The following PAK3 variants were observed in gnomAD, a reference collection of about 807,000 sequenced individuals.
PAK3 encodes the protein p21 (RAC1) activated kinase 3, also known as serine/threonine-protein kinase PAK 3.
In PAK3, 4 loss-of-function variants were observed where a neutral mutation model predicts 41.0. That is an observed-to-expected ratio of 0.10 (90% confidence interval 0.05 to 0.22). The LOEUF (loss-of-function observed/expected upper bound fraction) is 0.22, where lower values mean the gene tolerates loss of function less well. Ranked by LOEUF, PAK3 falls within the 10% of genes least tolerant of loss-of-function variation. The pLI is 1.00. For missense variants in PAK3, 205 were observed against 409.9 expected, an observed-to-expected ratio of 0.50 and a Z score of 4.32; for synonymous variants, 146 against 139.6, an observed-to-expected ratio of 1.05 and a Z score of -0.32.
chrX:111,184,426 G>A (rs1236736025), intron 11 of PAK3, among the ~76,000 whole-genome samples: 1 of 108,114 alleles, frequency 9.2e-6, no homozygotes, highest in Non-Finnish European at 1.9e-5. Flanking sequence ...TATACTTTAA[G>A]TTCTGGGATA....
intron 16 of PAK3, among the ~76,000 whole-genome samples, chrX:111,209,768 C>T (rs779138719): frequency 1.8e-5 from 2 of 112,388 alleles, no homozygotes; most frequent in East Asian, 5.6e-4. Context: ...ACTGAAGTCA[C>T]AAACTAAAGC....
chrX:111,057,900 C>A (rs1412494465), intron 1 of PAK3, among the ~76,000 whole-genome samples: 1 of 112,095 alleles, frequency 8.9e-6, no homozygotes, highest in Non-Finnish European at 1.9e-5. Flanking sequence ...TTTGCCTATT[C>A]TGGACAATTC....
intron 1 of PAK3, among the ~76,000 whole-genome samples, chrX:111,024,192 T>C (rs1202507277): frequency 8.9e-6 from 1 of 111,946 alleles, no homozygotes; most frequent in Admixed American, 9.5e-5. Context: ...TTGTCAAAGA[T>C]CAGATGGTTG....
intron 11 of PAK3, among the ~76,000 whole-genome samples, chrX:111,182,362 C>T (rs1000191657): frequency 2.7e-5 from 3 of 110,023 alleles, no homozygotes; most frequent in East Asian, 2.9e-4. Context: ...ATTAGATGAC[C>T]GTGAATACTC....
At chrX:111,132,766 A>G (rs1255131137) in intron 5 of PAK3, among the ~76,000 whole-genome samples, 1 of 111,322 alleles carries the variant, frequency 9.0e-6, no homozygotes, top group Non-Finnish European at 1.9e-5. Context: ...CTTATATACC[A>G]CTCAGAAAAG....
intron 1 of PAK3, among the ~76,000 whole-genome samples, chrX:110,981,191 A>C (rs749121423): frequency 1.8e-5 from 2 of 111,890 alleles, no homozygotes; most frequent in South Asian, 3.8e-4. Context: ...ACCAGAGGCC[A>C]GTATATTCTT....
At chrX:110,984,221 T>C (rs1307904327) in intron 1 of PAK3, among the ~76,000 whole-genome samples, 1 of 112,048 alleles carries the variant, frequency 8.9e-6, no homozygotes, top group Non-Finnish European at 1.9e-5. Context: ...GTGCAGACAT[T>C]CTGGGCTTCT....
upstream of PAK3, among the ~76,000 whole-genome samples, chrX:111,092,202 T>C (rs1472015835): frequency 8.9e-6 from 1 of 111,899 alleles, no homozygotes; most frequent in African/African-American, 3.3e-5. Flanking sequence ...TAAGACTGTA[T>C]TTCCTATTTC....
chrX:111,121,180 A>T (rs757111869), intron 4 of PAK3, among the ~76,000 whole-genome samples: 90 of 112,330 alleles, frequency 8.0e-4, no homozygotes, highest in African/African-American at 2.5e-3. Context: ...AGGAAAATGT[A>T]AGGTTTATGA....
At chrX:111,126,648 C>T (rs1270690521) in intron 5 of PAK3, among the ~76,000 whole-genome samples, 2 of 111,158 alleles carry the variant, frequency 1.8e-5, no homozygotes, top group African/African-American at 6.5e-5. Context: ...ACAAATATCA[C>T]AATATTAGTG....
chrX:111,142,057 T>G, intron 5 of PAK3, 39 bp from the exon 6 acceptor site: 1 of 823,427 alleles, frequency 1.2e-6, no homozygotes, highest in Non-Finnish European at 1.8e-6. Context: ...ATGCCAAAAC[T>G]ATACCCCAAA....
At chrX:111,160,567 T>G (rs1009873049) in intron 8 of PAK3, among the ~76,000 whole-genome samples, 112 of 109,141 alleles carry the variant, frequency 1.0e-3, no homozygotes, top group Non-Finnish European at 1.6e-3. Flanking sequence ...CTGCACCCAT[T>G]AACTCATCAT....
At chrX:110,965,953 G>A (rs1000099196) in intron 1 of PAK3, among the ~76,000 whole-genome samples, 3 of 111,697 alleles carry the variant, frequency 2.7e-5, no homozygotes, top group African/African-American at 9.8e-5. Context: ...GAACCTAGCA[G>A]TTTGCTCCAG....
At position 111,054,747 on chromosome X, in the gene PAK3, A is replaced by G. The variant is rs764257840; in HGVS notation, c.-27-68330A>G. On this transcript the variant is annotated intron_variant, in intron 1 of 14. Transcript: ENST00000425146. ...AAAATATTGAAATACTTCCATATCT[A>G]TTGACGAAGAGCCATTGCCCTGATC... 3.6e-5 allele frequency among the ~76,000 whole-genome samples: 4 copies of G among 111,223 alleles called. No individual in the cohort carries two copies. In the South Asian group the frequency reaches 1.5e-3, roughly 43 times the overall value.
chrX:111,007,929 G>T (rs1405506162), intron 1 of PAK3, among the ~76,000 whole-genome samples: 1 of 111,524 alleles, frequency 9.0e-6, no homozygotes, highest in African/African-American at 3.3e-5. Context: ...TTGTATCCTC[G>T]CTTTACCACT....
At chrX:111,200,614 C>A (rs1188461790) in intron 16 of PAK3, among the ~76,000 whole-genome samples, 2 of 112,115 alleles carry the variant, frequency 1.8e-5, no homozygotes, top group Admixed American at 9.4e-5. Context: ...ATTACATGGG[C>A]TTTTCCTTAT....
chrX:111,170,980 C>G (rs1271591731), intron 10 of PAK3, among the ~76,000 whole-genome samples: 4 of 110,857 alleles, frequency 3.6e-5, no homozygotes, highest in African/African-American at 1.3e-4. Flanking sequence ...AACAGTGGAG[C>G]AAAATCACTC....
chrX:111,218,967 A>G (rs2094904362), intron 17 of PAK3, among the ~76,000 whole-genome samples: 1 of 110,041 alleles, frequency 9.1e-6, no homozygotes, highest in East Asian at 2.9e-4. Flanking sequence ...AGGCAGGCGG[A>G]TCACCTGAGG....
chrX:111,016,734 AGAAG>A (rs538530092), intron 1 of PAK3, among the ~76,000 whole-genome samples: 5 of 82,233 alleles, frequency 6.1e-5, no homozygotes, highest in African/African-American at 2.3e-4. Context: ...AAGGAAGGAA[AGAAG>A]GAAGGAAGGA....
Sources: gnomAD v4.1 joint callset for allele counts (sites outside exome capture counted in the v4.1 genomes callset) on GRCh38, gnomAD v4.1.1 for gene constraint, MANE v1.5 for transcripts, NCBI Gene and HGNC (gene_info 2026-07-23, HGNC 2026-07-21) for gene names.